Variants in FRMD5 observed in about 807,000 individuals in gnomAD.
FRMD5 encodes the protein FERM domain containing 5, also known as FERM domain-containing protein 5.
FRMD5 carries 20 observed loss-of-function variants against 69.0 expected under a neutral mutation model. That is an observed-to-expected ratio of 0.29 (90% CI 0.20 to 0.42). The LOEUF is 0.42. FRMD5 is among the 10% of genes least tolerant of loss of function. FRMD5 has a pLI of 1.00. For missense variants in FRMD5, 595 were observed against 708.6 expected, an observed-to-expected ratio of 0.84 and a Z score of 1.82; for synonymous variants, 271 against 260.1, an observed-to-expected ratio of 1.04 and a Z score of -0.40.
In FRMD5 at chr15:43,888,274, AAATTCCACAT is replaced by A. The variant is rs1416984075; in HGVS notation, c.793-18_793-9del. On this transcript the variant is annotated splice_polypyrimidine_tract_variant and intron_variant, in intron 9 of 13. Transcript: ENST00000417257. The stretch of plus-strand genomic sequence containing the variant: ...AAGAATAATTTTCTTTTCCTGCAAA[AAATTCCACAT>A]TGATATGGCTGAGTGTGGATGGAGA... 4 of 1,595,866 alleles carry A rather than the reference AAATTCCACAT, an allele frequency of 2.5e-6. No homozygotes were observed. The African/African-American group carries it at 5.4e-5, about 21-fold the overall frequency.
intron 1 of FRMD5, among the ~76,000 whole-genome samples, chr15:44,121,583 C>T (rs2076951702): frequency 1.3e-5 from 2 of 151,844 alleles, no homozygotes; most frequent in African/African-American, 4.8e-5. Flanking sequence ...TTCTCTCAAG[C>T]TTGACCCTTT....
intron 1 of FRMD5, among the ~76,000 whole-genome samples, chr15:44,072,392 A>G (rs1893578825): frequency 6.6e-6 from 1 of 152,190 alleles, no homozygotes; most frequent in East Asian, 1.9e-4. Context: ...AAATGTTTGT[A>G]CCTTTTTGCT....
intron 1 of FRMD5, among the ~76,000 whole-genome samples, chr15:44,107,631 G>A (rs931091413): frequency 6.6e-6 from 1 of 152,044 alleles, no homozygotes; most frequent in African/African-American, 2.4e-5. Flanking sequence ...TGCATGATTG[G>A]AATTCAACTG....
At chr15:44,030,852 C>A (rs758148795) in intron 1 of FRMD5, among the ~76,000 whole-genome samples, 2 of 151,714 alleles carry the variant, frequency 1.3e-5, no homozygotes, top group African/African-American at 2.4e-5. Context: ...CTTAAGAGTG[C>A]AAAGTCTGAA....
chr15:43,894,836 T>C (rs1292692038), intron 7 of FRMD5, among the ~76,000 whole-genome samples: 1 of 152,196 alleles, frequency 6.6e-6, no homozygotes, highest in Non-Finnish European at 1.5e-5. Context: ...TGTGTGGCTG[T>C]GGCCAGGTCC....
intron 1 of FRMD5, among the ~76,000 whole-genome samples, chr15:43,963,827 G>A (rs564915469): frequency 1.2e-3 from 186 of 152,116 alleles, no homozygotes; most frequent in Middle Eastern, 3.4e-3. Flanking sequence ...AACACCAGAC[G>A]TTCTCACTCA....
chr15:43,875,644 ATTTT>A lies in FRMD5; in HGVS notation c.1136-1186_1136-1183del, dbSNP rs563370481. Among the ~76,000 whole-genome samples, 816 of 151,126 alleles carry A rather than the reference ATTTT, an allele frequency of 5.4e-3. 6 individuals carry two copies. Among genetic ancestry groups the A allele is most frequent in the African/African-American group, 0.019 (769 of 41,226 alleles). ...AGGTGTCTGCCACCACACCCAGCTA[ATTTT>A]TTTATTTTGAGTAGAGACGGGGTTT... On this transcript the variant is annotated intron_variant, in intron 13 of 13. Transcript: ENST00000417257.
chr15:43,955,360 G>T (rs1219353693), intron 1 of FRMD5, among the ~76,000 whole-genome samples: 2 of 152,174 alleles, frequency 1.3e-5, no homozygotes, highest in Non-Finnish European at 2.9e-5. Context: ...CAGCTGCTTA[G>T]TATCATTAGA....
chr15:44,015,415 TATAGGTGTGGGC>T (rs1890911972), intron 1 of FRMD5, among the ~76,000 whole-genome samples: 1 of 152,152 alleles, frequency 6.6e-6, no homozygotes, highest in Non-Finnish European at 1.5e-5. Context: ...GTGCTGGAAT[TATAGGTGTGGGC>T]AACCGTGCCT....
chr15:44,012,262 A>C (rs1890752675), intron 1 of FRMD5, among the ~76,000 whole-genome samples: 1 of 152,224 alleles, frequency 6.6e-6, no homozygotes, highest in South Asian at 2.1e-4. Context: ...CTGTAAGTGC[A>C]CCACTGAATA....
chr15:43,990,010 A>G (rs2140132392), intron 1 of FRMD5: 1 of 908,200 alleles, frequency 1.1e-6, no homozygotes, highest in Non-Finnish European at 1.8e-6. Flanking sequence ...CTTGCTCTGG[A>G]CCTCGTTGCC....
chr15:43,911,039 G>C (rs889584896), intron 4 of FRMD5, among the ~76,000 whole-genome samples: 5 of 152,210 alleles, frequency 3.3e-5, no homozygotes, highest in Non-Finnish European at 5.9e-5. Flanking sequence ...GAATGGAATT[G>C]ATGACTTTCC....
intron 1 of FRMD5, among the ~76,000 whole-genome samples, chr15:44,106,923 T>C (rs1457553122): frequency 1.3e-5 from 2 of 152,236 alleles, no homozygotes; most frequent in Non-Finnish European, 2.9e-5. Flanking sequence ...GCTTTGTTTA[T>C]GTGGATGATA....
intron 1 of FRMD5, among the ~76,000 whole-genome samples, chr15:44,083,109 C>G (rs1287333083): frequency 2.0e-5 from 3 of 151,860 alleles, no homozygotes; most frequent in African/African-American, 7.2e-5. Flanking sequence ...ATTAAAATGC[C>G]CTTCTTTTAC....
chr15:43,906,665 G>A (rs189015110), intron 5 of FRMD5, among the ~76,000 whole-genome samples: 9 of 151,730 alleles, frequency 5.9e-5, no homozygotes, highest in Non-Finnish European at 1.2e-4. Flanking sequence ...GCAGTGGTGC[G>A]ATCTTGGCTC....
At chr15:44,005,915 T>C (rs768563474) in intron 1 of FRMD5, among the ~76,000 whole-genome samples, 2 of 152,116 alleles carry the variant, frequency 1.3e-5, no homozygotes, top group Non-Finnish European at 2.9e-5. Context: ...CAAGATGAAG[T>C]AGTAAGTGCT....
intron 1 of FRMD5, among the ~76,000 whole-genome samples, chr15:43,988,714 C>T (rs1356539265): frequency 6.6e-6 from 1 of 152,188 alleles, no homozygotes; most frequent in Non-Finnish European, 1.5e-5. Context: ...GCTATCACCT[C>T]CCCTGTGTGG....
chr15:44,040,604 C>T (rs578200930), intron 1 of FRMD5, among the ~76,000 whole-genome samples: 1 of 152,220 alleles, frequency 6.6e-6, no homozygotes, highest in East Asian at 1.9e-4. Flanking sequence ...ATTTTACAGA[C>T]AAGCAAATGT....
chr15:43,901,900 C>T (rs2140398569), intron 7 of FRMD5: 4 of 416,478 alleles, frequency 9.6e-6, no homozygotes, highest in South Asian at 8.9e-5. Context: ...CTCCTCTCTT[C>T]ATTTCTACCA....
Sources: gnomAD v4.1 joint callset for allele counts (sites outside exome capture counted in the v4.1 genomes callset) on GRCh38, gnomAD v4.1.1 for gene constraint, MANE v1.5 for transcripts, NCBI Gene and HGNC (gene_info 2026-07-23, HGNC 2026-07-21) for gene names.